Variants in ENTR1 observed in about 807,000 individuals in gnomAD.
ENTR1 encodes the protein endosome-associated-trafficking regulator 1.
In ENTR1, 47 loss-of-function variants were observed where a neutral mutation model predicts 47.9. The ratio of observed to expected loss-of-function variants is 0.98; its 90% CI spans 0.78 to 1.25. The LOEUF is 1.25. Ranked by LOEUF, ENTR1 falls within the 50% of genes most tolerant of loss-of-function variation. ENTR1 has a pLI of 0.00. For synonymous variants in ENTR1, 290 were observed against 245.8 expected, an observed-to-expected ratio of 1.18 and a Z score of -1.68; for missense variants, 668 against 570.5, an observed-to-expected ratio of 1.17 and a Z score of -1.74.
intron 7 of ENTR1, 83 bp from the exon 8 acceptor site, chr9:136,404,776 C>A: frequency 7.0e-7 from 1 of 1,433,900 alleles, no homozygotes; most frequent in Non-Finnish European, 9.7e-7. Context: ...ACCCAGGGAG[C>A]AGGAGGGCAC....
In ENTR1 at chr9:136,407,564, A is replaced by T. The variant is rs779392607; in HGVS notation, c.403-3T>A. 25 of 34,220 alleles carry T rather than the reference A, an allele frequency of 7.3e-4. No homozygotes were observed. The highest frequency in any genetic ancestry group is 0.01 in the East Asian group (2 of 198). The allele number at this position is 34,220 out of a possible 1,614,324, so 2.1% of individuals were successfully genotyped here. A position where few individuals can be genotyped will look rare whatever the true frequency, so the allele number is the denominator to read the frequency against. ...CCCAGGGAATGCCTCGAGGCTTCCTAAAAAAAAAAAAAAAAAAAAAACAAT... is the reference window on the plus strand; with the variant it reads ...CCCAGGGAATGCCTCGAGGCTTCCTTAAAAAAAAAAAAAAAAAAAAACAAT... On this transcript the variant is annotated splice_region_variant and splice_polypyrimidine_tract_variant and intron_variant, in intron 4 of 9. Coordinates refer to ENST00000357365, the MANE Select transcript of ENTR1 (RefSeq NM_001039707.2).
intron 3 of ENTR1, 123 bp from the exon 4 acceptor site, chr9:136,408,061 C>T: frequency 1.5e-6 from 1 of 655,188 alleles, no homozygotes; most frequent in South Asian, 1.7e-5. Flanking sequence ...GCTTGTCATT[C>T]TACCATGACT....
intron 9 of ENTR1, among the ~76,000 whole-genome samples, chr9:136,403,437 T>C (rs57664896): frequency 0.14 from 5,685 of 40,154 alleles, 440 homozygotes; most frequent in Non-Finnish European, 0.18. Flanking sequence ...GGGACAGGGT[T>C]CCTGGGAGCA....
At position 136,402,849 on chromosome 9, in the gene ENTR1, G is replaced by C. The variant is rs373022372; in HGVS notation, c.1247C>G (p.Ala416Gly). ...TCTGTCTATAGATTTAAGGATTTCGGCAACAAGATTCAGTGTCTCAGCTCC... is the reference window on the plus strand; with the variant it reads ...TCTGTCTATAGATTTAAGGATTTCGCCAACAAGATTCAGTGTCTCAGCTCC... ...VSGAETLNLV[A>G]EILKSIDRIS... The change falls in exon 10 of 10, where the codon GCC (alanine) becomes GGC (glycine). Residue 416 changes from alanine (A) to glycine (G), a missense_variant. Transcript: ENST00000357365. The C allele has an allele frequency of 3.7e-6, 6 of 1,612,890 alleles. No homozygotes were observed. The highest frequency in any genetic ancestry group is 5.1e-6 in the Non-Finnish European group (6 of 1,179,836).
At position 136,408,115 on chromosome 9, in the gene ENTR1, G is replaced by C. The variant is rs527511433; in HGVS notation, c.290-177C>G. Reference sequence around the variant, plus strand: ...GTGAAGGTGGCTGAAGGTGGGCAGTGACACAGACGTGCGTCTGCATTTGCA... The same window carrying C: ...GTGAAGGTGGCTGAAGGTGGGCAGTCACACAGACGTGCGTCTGCATTTGCA... On this transcript the variant is annotated intron_variant, in intron 3 of 9. Transcript: ENST00000357365. 6 of 595,160 alleles carry C rather than the reference G, an allele frequency of 1.0e-5. No homozygotes were observed. In the East Asian group the frequency reaches 1.7e-4, roughly 16 times the overall value. The allele number at this position is 595,160 out of a possible 1,614,324, so 36.9% of individuals were successfully genotyped here. A position where few individuals can be genotyped will look rare whatever the true frequency, so the allele number is the denominator to read the frequency against.
rs376969845 is a variant in ENTR1, at chr9:136,407,151, G to A, written c.813C>T (p.Tyr271=). 2 of 1,594,286 alleles carry A rather than the reference G, an allele frequency of 1.3e-6. No homozygotes were observed. Among genetic ancestry groups the A allele is most frequent in the East Asian group, 2.2e-5 (1 of 44,474 alleles). The change falls in exon 5 of 10, where the codon TAC becomes TAT. Residue 271 remains tyrosine (Y), a synonymous_variant. Coordinates refer to ENST00000357365, the MANE Select transcript of ENTR1 (RefSeq NM_001039707.2). ...DRHLRTLQIS[Y]DALKDENSKL... ...CGCCGTGAGGCTCACTTACTGCGTC[G>A]TAACTTATCTGCAGCGTCCGCAGGT... is the stretch of plus-strand genomic sequence containing the variant.
chr9:136,408,123 C>T (rs60934907), intron 3 of ENTR1, among the ~76,000 whole-genome samples, 185 bp from the exon 4 acceptor site: 2 of 152,280 alleles, frequency 1.3e-5, no homozygotes, highest in African/African-American at 4.8e-5. Context: ...GTGACACAGA[C>T]GTGCGTCTGC....
At chr9:136,404,292 C>A in intron 8 of ENTR1, 98 bp from the exon 9 acceptor site, 1 of 1,484,054 alleles carries the variant, frequency 6.7e-7, no homozygotes, top group Non-Finnish European at 9.1e-7. Context: ...GGGGGCCTGG[C>A]ACTCAAGATG....
intron 6 of ENTR1, 39 bp downstream of exon 6, chr9:136,405,866 G>T (rs778080217): frequency 2.4e-6 from 3 of 1,259,242 alleles, no homozygotes; most frequent in East Asian, 4.8e-5. Context: ...CTGTGTATTA[G>T]ATGTTGTGGA....
At position 136,407,566 on chromosome 9, in the gene ENTR1, A is replaced by G. The variant is rs748528134; in HGVS notation, c.403-5T>C. 5.6e-5 allele frequency: 22 copies of G among 391,826 alleles called. No individual in the cohort carries two copies. Among genetic ancestry groups the G allele is most frequent in the South Asian group, 1.2e-4 (4 of 32,128 alleles). 24.3% of individuals were successfully genotyped at this position (391,826 alleles called of 1,614,324 possible). A position where few individuals can be genotyped will look rare whatever the true frequency, so the allele number is the denominator to read the frequency against. On this transcript the variant is annotated splice_region_variant and splice_polypyrimidine_tract_variant and intron_variant, in intron 4 of 9. Transcript: ENST00000357365. The stretch of plus-strand genomic sequence containing the variant: ...CAGGGAATGCCTCGAGGCTTCCTAA[A>G]AAAAAAAAAAAAAAAAAAACAATGG...
chr9:136,407,637 C>T lies in ENTR1; in HGVS notation c.403-76G>A, dbSNP rs916901645. The stretch of plus-strand genomic sequence containing the variant: ...AGCGCATCTTCCTTTCTGTGTTCTG[C>T]CTCGCAACAAGAAGAAAGGCCCAAT... On this transcript the variant is annotated intron_variant, in intron 4 of 9. Transcript: ENST00000357365. 5 of 1,485,672 alleles carry T rather than the reference C, an allele frequency of 3.4e-6. No homozygotes were observed. In the South Asian group the frequency reaches 5.6e-5, roughly 17 times the overall value. The allele number at this position is 1,485,672 out of a possible 1,614,324, so 92.0% of individuals were successfully genotyped here.
chr9:136,403,052 G>C (rs576807058), intron 9 of ENTR1, among the ~76,000 whole-genome samples, 165 bp from the exon 10 acceptor site: 1 of 126,058 alleles, frequency 7.9e-6, no homozygotes, highest in Non-Finnish European at 1.7e-5. Flanking sequence ...GGTTTCCAGG[G>C]GGAAGAATGG....
rs537523204 is a variant in ENTR1, at chr9:136,407,847, C to T, written c.381G>A (p.Pro127=). The T allele has an allele frequency of 4.5e-5, 73 of 1,612,350 alleles. 1 individual carries two copies. The highest frequency in any genetic ancestry group is 6.7e-5 in the East Asian group (3 of 44,856). Residue 127 remains proline, a synonymous_variant, in exon 4 of 10, where the codon CCG becomes CCA. Coordinates refer to ENST00000357365, the MANE Select transcript of ENTR1 (RefSeq NM_001039707.2). ...TKNLGLSKED[P]ASRIYAKEAS... ...TTACCTTTGCATAAATTCTGCTGGC[C>T]GGATCCTCTTTCGAGAGGCCGAGGT...
rs1242177934 is a variant in ENTR1, at chr9:136,410,374, C to T, written c.24G>A (p.Pro8=). 6.9e-7 allele frequency: 1 copy of T among 1,450,844 alleles called. No individual in the cohort carries two copies. Among genetic ancestry groups the T allele is most frequent in the Non-Finnish European group, 9.0e-7 (1 of 1,108,496 alleles). 89.9% of individuals were successfully genotyped at this position (1,450,844 alleles called of 1,614,324 possible). The part of the protein sequence containing the change: MSGYQRR[P]GATPLSRARS... ...GGGCTCGGGACAGCGGGGTGGCGCC[C>T]GGGCGGCGCTGGTAGCCCGACATCG... Residue 8 remains proline (P), a synonymous_variant, in exon 1 of 10, where the codon CCG becomes CCA. Transcript: ENST00000357365.
At chr9:136,404,319 TG>T in intron 8 of ENTR1, 125 bp from the exon 9 acceptor site, 4 of 1,320,998 alleles carry the variant, frequency 3.0e-6, no homozygotes, top group Admixed American at 2.3e-5. Context: ...CTGGCCTAAC[TG>T]GGGGCTCGCC....
rs1181736633 is a variant in ENTR1 at position 136,410,146 on chromosome 9, C to T, written c.164G>A (p.Arg55Gln). 3 of 1,612,504 alleles carry T rather than the reference C, an allele frequency of 1.9e-6. No individual in the cohort carries two copies. The highest frequency in any genetic ancestry group is 1.1e-5 in the South Asian group (1 of 91,008). Residue 55 changes from arginine (R) to glutamine (Q), a missense_variant, in exon 2 of 10, where the codon CGG (arginine) becomes CAG (glutamine). Coordinates refer to ENST00000357365, the MANE Select transcript of ENTR1 (RefSeq NM_001039707.2). ...RDLDSPFFGI[R>Q]PAFMCYVPSP... ...GGGCACATAGCACATAAAGGCCGGCCGAATGCCGAAGAAGGGGGAGTCCAG... is the reference window on the plus strand; with the variant it reads ...GGGCACATAGCACATAAAGGCCGGCTGAATGCCGAAGAAGGGGGAGTCCAG...
intron 5 of ENTR1, 79 bp from the exon 6 acceptor site, chr9:136,406,057 G>A (rs957156768): frequency 3.1e-5 from 31 of 989,318 alleles, no homozygotes; most frequent in Non-Finnish European, 4.4e-5. Context: ...TGTGGCTCCA[G>A]AGCCTCCTGA....
At chr9:136,408,440 T>C (rs777734285) in intron 3 of ENTR1, among the ~76,000 whole-genome samples, 4 of 151,862 alleles carry the variant, frequency 2.6e-5, no homozygotes, top group Non-Finnish European at 5.9e-5. Flanking sequence ...TAGCCAGGCG[T>C]GGTGGTGAGC....
At chr9:136,405,273 T>C (rs1834712327) in intron 6 of ENTR1, 71 bp from the exon 7 acceptor site, 1 of 1,253,496 alleles carries the variant, frequency 8.0e-7, no homozygotes, top group Non-Finnish European at 1.2e-6. Flanking sequence ...AGATACCTCA[T>C]GAGCCAGATA....
Sources: gnomAD v4.1 joint callset for allele counts (sites outside exome capture counted in the v4.1 genomes callset) on GRCh38, gnomAD v4.1.1 for gene constraint, MANE v1.5 for transcripts, NCBI Gene and HGNC (gene_info 2026-07-23, HGNC 2026-07-21) for gene names.